The following TRPM3 variants were observed in gnomAD, a reference collection of about 807,000 sequenced individuals.
TRPM3 encodes transient receptor potential cation channel subfamily M member 3, also known as long transient receptor potential channel 3.
A neutral mutation model predicts 181.2 loss-of-function variants in TRPM3; 77 were observed. That is an observed-to-expected ratio of 0.42 (90% CI 0.35 to 0.51). The LOEUF (loss-of-function observed/expected upper bound fraction) is 0.51. TRPM3 is among the 20% of genes least tolerant of loss of function. The pLI is 0.01. For synonymous variants in TRPM3, 745 were observed against 796.4 expected (o/e 0.94, Z 1.09); for missense variants, 1,759 against 2,196.7 (o/e 0.80, Z 3.98).
At chr9:70,578,647 T>C (rs536353447) in intron 22 of TRPM3, among the ~76,000 whole-genome samples, 1 of 152,354 alleles carries the variant, frequency 6.6e-6, no homozygotes, top group South Asian at 2.1e-4. Flanking sequence ...GGATGATCAA[T>C]GGGGACCTGC....
At chr9:71,366,569 A>G (rs1227961095) in intron 1 of TRPM3, among the ~76,000 whole-genome samples, 1 of 152,160 alleles carries the variant, frequency 6.6e-6, no homozygotes, top group Non-Finnish European at 1.5e-5. Context: ...GGGCCACTAT[A>G]ATTACCTTTG....
chr9:70,647,237 A>C (rs972872828), intron 9 of TRPM3, among the ~76,000 whole-genome samples: 1 of 152,104 alleles, frequency 6.6e-6, no homozygotes, highest in African/African-American at 2.4e-5. Flanking sequence ...ACACAATGAA[A>C]AAAAAGAAAA....
rs563274686 is a variant in TRPM3, at chr9:71,382,450, T to C, written c.183+64203A>G. Among the ~76,000 whole-genome samples, 9 of 152,274 alleles carry C rather than the reference T, an allele frequency of 5.9e-5. No individual in the cohort carries two copies. The South Asian group carries it at 1.9e-3, about 32-fold the overall frequency. On this transcript the variant is annotated intron_variant, in intron 1 of 24. Coordinates refer to the TRPM3 transcript ENST00000357533. ...CTATTGGAAAATAGTAAAGCTAATA[T>C]TTGAGTCTTCTTACTCTAGGTACAG...
intron 9 of TRPM3, among the ~76,000 whole-genome samples, chr9:70,677,647 T>C (rs2064344086): frequency 6.6e-6 from 1 of 152,238 alleles, no homozygotes; most frequent in Non-Finnish European, 1.5e-5. Context: ...ACAGAGCTGT[T>C]CATACTTCAC....
intron 1 of TRPM3, among the ~76,000 whole-genome samples, chr9:71,069,608 CTTTTTT>C (rs71367252): frequency 7.9e-6 from 1 of 126,658 alleles, no homozygotes; most frequent in Non-Finnish European, 1.7e-5. Flanking sequence ...TTCCTTTTTT[CTTTTTT>C]TTTTTTTTTT....
chr9:71,414,057 T>C (rs535239821), intron 1 of TRPM3, among the ~76,000 whole-genome samples: 161 of 152,250 alleles, frequency 1.1e-3, no homozygotes, highest in Middle Eastern at 6.8e-3. Flanking sequence ...TTAACTGCTA[T>C]GTAAAAACAA....
intron 25 of TRPM3, among the ~76,000 whole-genome samples, chr9:70,539,828 T>C (rs1428117737): frequency 6.6e-6 from 1 of 152,150 alleles, no homozygotes; most frequent in Non-Finnish European, 1.5e-5. Flanking sequence ...TGCAATCTGT[T>C]ATATTTATTT....
intron 1 of TRPM3, among the ~76,000 whole-genome samples, chr9:71,036,615 G>A (rs917756909): frequency 9.2e-5 from 14 of 152,188 alleles, no homozygotes; most frequent in African/African-American, 2.4e-4. Flanking sequence ...GGAACCCATT[G>A]TATTTGTTTT....
chr9:70,901,664 G>A (rs1589652325), intron 1 of TRPM3, among the ~76,000 whole-genome samples: 2 of 152,222 alleles, frequency 1.3e-5, no homozygotes, highest in African/African-American at 4.8e-5. Flanking sequence ...TAATGGGAGA[G>A]GAGCAGCAAT....
intron 1 of TRPM3, among the ~76,000 whole-genome samples, chr9:70,885,681 G>A (rs182084346): frequency 3.3e-5 from 5 of 152,144 alleles, no homozygotes; most frequent in African/African-American, 4.8e-5. Context: ...ACCTTAGCTC[G>A]CTTCCAAAGC....
intron 1 of TRPM3, among the ~76,000 whole-genome samples, chr9:70,964,258 A>G (rs898899763): frequency 2.0e-5 from 3 of 152,080 alleles, no homozygotes; most frequent in African/African-American, 7.2e-5. Context: ...AAGCTTTTTT[A>G]TTTTACAGTA....
intron 1 of TRPM3, among the ~76,000 whole-genome samples, chr9:71,186,226 C>T (rs2077671044): frequency 6.6e-6 from 1 of 151,916 alleles, no homozygotes; most frequent in African/African-American, 2.4e-5. Flanking sequence ...TTTGCAATTA[C>T]CGTATTTCCA....
chr9:70,996,643 C>CGAT (rs1330890394), intron 1 of TRPM3, among the ~76,000 whole-genome samples: 133 of 152,304 alleles, frequency 8.7e-4, no homozygotes, highest in African/African-American at 3.0e-3. Context: ...AGATCAGCTC[C>CGAT]CTGTCTAATT....
At chr9:71,014,989 A>C (rs1303575728) in intron 1 of TRPM3, among the ~76,000 whole-genome samples, 1 of 151,808 alleles carries the variant, frequency 6.6e-6, no homozygotes, top group Non-Finnish European at 1.5e-5. Context: ...CCTTTTTTTC[A>C]GTATTTTTCT....
At chr9:71,111,518 G>C (rs964265222) in intron 1 of TRPM3, among the ~76,000 whole-genome samples, 5 of 152,236 alleles carry the variant, frequency 3.3e-5, no homozygotes, top group Admixed American at 1.3e-4. Context: ...ATAGAAACCT[G>C]AGATACCAAT....
At chr9:70,673,949 C>CA (rs5898160) in intron 9 of TRPM3, among the ~76,000 whole-genome samples, 29,044 of 89,576 alleles carry the variant, frequency 0.32, 5,814 homozygotes, top group East Asian at 0.45. Context: ...AACTCCATCT[C>CA]AAAAAAAAAA....
intron 6 of TRPM3, among the ~76,000 whole-genome samples, chr9:70,816,004 A>G (rs559273329): frequency 6.6e-6 from 1 of 152,204 alleles, no homozygotes; most frequent in Non-Finnish European, 1.5e-5. Context: ...AATCTGTAAG[A>G]CAACAGATAC....
chr9:70,801,724 G>T (rs1051942182), intron 6 of TRPM3, among the ~76,000 whole-genome samples: 1 of 151,892 alleles, frequency 6.6e-6, no homozygotes. Flanking sequence ...ACAGCTACTT[G>T]CTTCTTTCTA....
intron 1 of TRPM3, among the ~76,000 whole-genome samples, chr9:71,059,155 C>G (rs1220513401): frequency 1.3e-5 from 2 of 149,432 alleles, no homozygotes; most frequent in Middle Eastern, 3.3e-3. Context: ...AGAAGGAATG[C>G]GTTAAACATA....
Sources: gnomAD v4.1 joint callset for allele counts (sites outside exome capture counted in the v4.1 genomes callset) on GRCh38, gnomAD v4.1.1 for gene constraint, MANE v1.5 for transcripts, NCBI Gene and HGNC (gene_info 2026-07-23, HGNC 2026-07-21) for gene names.